Variants in XPO6 observed in about 807,000 individuals in gnomAD.
The protein encoded by XPO6 is exportin-6.
XPO6 carries 3 observed loss-of-function variants against 130.0 expected under a neutral mutation model. That is an observed-to-expected ratio of 0.02 (90% confidence interval 0.01 to 0.06). The LOEUF is 0.06. XPO6 is among the 10% of genes least tolerant of loss of function. XPO6 has a pLI of 1.00. For synonymous variants in XPO6, 524 were observed against 548.9 expected, an observed-to-expected ratio of 0.95 and a Z score of 0.63; for missense variants, 970 against 1,393.0, an observed-to-expected ratio of 0.70 and a Z score of 4.83.
At chr16:28,158,846 A>G (rs2043224922) in intron 6 of XPO6, among the ~76,000 whole-genome samples, 1 of 152,222 alleles carries the variant, frequency 6.6e-6, no homozygotes, top group African/African-American at 2.4e-5. Flanking sequence ...TTTTGAAAGC[A>G]CTAGACTAAA....
intron 1 of XPO6, among the ~76,000 whole-genome samples, chr16:28,186,219 C>CT (rs1300664779): frequency 6.6e-6 from 1 of 152,050 alleles, no homozygotes; most frequent in Non-Finnish European, 1.5e-5. Context: ...TTTGTACCTT[C>CT]TCCCTCACCA....
At chr16:28,173,128 T>TTACG (rs1246092714) in intron 4 of XPO6, 2 of 152,174 alleles carry the variant, frequency 1.3e-5, no homozygotes, top group African/African-American at 4.8e-5. Flanking sequence ...TGTGCATAGG[T>TTACG]TACGTGCAAA....
At chr16:28,154,350 A>C in intron 7 of XPO6, 2 of 898,176 alleles carry the variant, frequency 2.2e-6, no homozygotes, top group Non-Finnish European at 2.7e-6. Flanking sequence ...AAATACAAAC[A>C]AGGCTGTTCA....
chr16:28,206,130 A>G (rs981288570), intron 1 of XPO6, among the ~76,000 whole-genome samples: 26 of 145,010 alleles, frequency 1.8e-4, no homozygotes, highest in African/African-American at 6.4e-4. Flanking sequence ...CCTGGCATAT[A>G]GAAAGCAATA....
chr16:28,204,210 A>T (rs1025400775), intron 1 of XPO6, among the ~76,000 whole-genome samples: 2 of 152,152 alleles, frequency 1.3e-5, no homozygotes, highest in African/African-American at 4.8e-5. Context: ...CTAACATTTT[A>T]GCAGGAGACA....
chr16:28,102,020 C>T, intron 21 of XPO6, 75 bp from the exon 22 acceptor site: 1 of 1,291,532 alleles, frequency 7.7e-7, no homozygotes, highest in Admixed American at 2.0e-5. Flanking sequence ...GTCAGAAGAA[C>T]AAGTGCCAGG....
chr16:28,145,489 A>G (rs907859372), intron 9 of XPO6, among the ~76,000 whole-genome samples: 1 of 152,222 alleles, frequency 6.6e-6, no homozygotes, highest in Non-Finnish European at 1.5e-5. Flanking sequence ...GTTTTTTAAA[A>G]ATACAACAAA....
In XPO6 at chr16:28,101,788, T is replaced by C; in HGVS notation, c.3045+59A>G. 1 of 1,597,170 alleles carries C rather than the reference T, an allele frequency of 6.3e-7. No homozygotes were observed. Among genetic ancestry groups the C allele is most frequent in the Admixed American group, 1.7e-5 (1 of 59,336 alleles). On this transcript the variant is annotated intron_variant, in intron 22 of 23. Coordinates refer to ENST00000304658, the MANE Select transcript of XPO6 (RefSeq NM_015171.4). The surrounding 1 kb of genome is among the most constrained non-coding windows in gnomAD (Gnocchi z 5.4). Reference sequence around the variant, plus strand: ...CACTCTCCAGTGAGTAACCTGAGGGTGGGACACAGGCCACAATGCCCCTGA... The same window carrying C: ...CACTCTCCAGTGAGTAACCTGAGGGCGGGACACAGGCCACAATGCCCCTGA...
chr16:28,158,638 C>T (rs1330031935), intron 6 of XPO6, among the ~76,000 whole-genome samples: 2 of 152,096 alleles, frequency 1.3e-5, no homozygotes, highest in Non-Finnish European at 2.9e-5. Context: ...TTTTAAGAGT[C>T]AAGGGACCCC....
intron 3 of XPO6, among the ~76,000 whole-genome samples, chr16:28,176,490 T>C (rs962326484): frequency 1.1e-4 from 17 of 151,966 alleles, no homozygotes; most frequent in African/African-American, 4.1e-4. Context: ...GCAATATGAT[T>C]ACAATTAGAT....
chr16:28,197,684 G>A lies in XPO6; in HGVS notation c.3+13682C>T, dbSNP rs1490405697. 5.3e-5 allele frequency among the ~76,000 whole-genome samples: 8 copies of A among 151,624 alleles called. No individual in the cohort carries two copies. In the East Asian group the frequency reaches 7.7e-4, roughly 15 times the overall value. ...GTAATCCCAGCACTTTGCGAGGCCC[G>A]GGCAGGCAGATCACGAGGTCAGGAG... On this transcript the variant is annotated intron_variant, in intron 1 of 23. Transcript: ENST00000304658.
intron 9 of XPO6, among the ~76,000 whole-genome samples, chr16:28,143,169 C>T (rs1178534799): frequency 2.0e-5 from 3 of 152,232 alleles, no homozygotes; most frequent in Non-Finnish European, 4.4e-5. Flanking sequence ...GAACAACTGA[C>T]AACTGTGACA....
intron 9 of XPO6, among the ~76,000 whole-genome samples, chr16:28,142,344 AAG>A (rs2042910159): frequency 6.6e-6 from 1 of 152,338 alleles, no homozygotes; most frequent in Admixed American, 6.5e-5. Flanking sequence ...CTGATATATT[AAG>A]AGTCTCTCAT....
intron 10 of XPO6, among the ~76,000 whole-genome samples, chr16:28,134,839 G>C (rs905241354): frequency 6.6e-6 from 1 of 152,170 alleles, no homozygotes; most frequent in Non-Finnish European, 1.5e-5. Flanking sequence ...TATCGGTTCA[G>C]TATCTTGCTA....
chr16:28,117,378 C>T lies in XPO6; in HGVS notation c.1944G>A (p.Gln648=). 1 of 1,614,206 alleles carries T rather than the reference C, an allele frequency of 6.2e-7. No individual in the cohort carries two copies. The highest frequency in any genetic ancestry group is 8.5e-7 in the Non-Finnish European group (1 of 1,180,034). ...YCSEVHRQNT[Q]QFVTLISTTM... ...TAGTAGAGATGAGTGTCACGAACTG[C>T]TGCGTGTTCTGCCGGTGAACTTCAC... Residue 648 remains glutamine, a synonymous_variant, in exon 15 of 24, where the codon CAG becomes CAA. Transcript: ENST00000304658.
At chr16:28,187,801 C>T (rs767588644) in intron 1 of XPO6, among the ~76,000 whole-genome samples, 4 of 151,466 alleles carry the variant, frequency 2.6e-5, no homozygotes, top group Non-Finnish European at 5.9e-5. Flanking sequence ...TTCAGTTTCT[C>T]AAGAATACTG....
At chr16:28,149,125 G>C (rs1174227045) in intron 8 of XPO6, among the ~76,000 whole-genome samples, 2 of 151,522 alleles carry the variant, frequency 1.3e-5, no homozygotes, top group Non-Finnish European at 2.9e-5. Flanking sequence ...TCCCCCCCAG[G>C]GTATACCATC....
rs549696384 is a variant in XPO6, at chr16:28,158,457, TTC to T, written c.644-1932_644-1931del. ...CAACACCACTCTTCTCAGTGAATTTTTCTGTTTGCTTTGAAAAATATAGTTAT... is the reference window on the plus strand; with the variant it reads ...CAACACCACTCTTCTCAGTGAATTTTTGTTTGCTTTGAAAAATATAGTTAT... On this transcript the variant is annotated intron_variant, in intron 6 of 23. Transcript: ENST00000304658. 8.5e-5 allele frequency among the ~76,000 whole-genome samples: 13 copies of T among 152,344 alleles called. No homozygotes were observed. In the South Asian group the frequency reaches 1.0e-3, roughly 12 times the overall value.
chr16:28,173,745 G>A lies in XPO6; in HGVS notation c.405+2153C>T, dbSNP rs200974243. ...ACTGAAGGGGTTGAAAGCGGGAGGT[G>A]GTGGAGAACAGTGGACAATTAGCCT... On this transcript the variant is annotated intron_variant, in intron 4 of 23. Transcript: ENST00000304658. Among the ~76,000 whole-genome samples, 5 of 152,290 alleles carry A rather than the reference G, an allele frequency of 3.3e-5. No individual in the cohort carries two copies. In the East Asian group the frequency reaches 7.7e-4, roughly 23 times the overall value.
Sources: allele counts gnomAD v4.1 joint callset (sites outside exome capture counted in the v4.1 genomes callset), GRCh38; gene constraint gnomAD v4.1.1; non-coding constraint Gnocchi (gnomAD v3.1); transcripts MANE v1.5; gene names NCBI Gene and HGNC (gene_info 2026-07-23, HGNC 2026-07-21).